The following PNPLA1 variants were observed in gnomAD, a reference collection of about 807,000 sequenced individuals.
The protein encoded by PNPLA1 is patatin like domain 1, omega-hydroxyceramide transacylase, also known as omega-hydroxyceramide transacylase.
In PNPLA1, 36 loss-of-function variants were observed where a neutral mutation model predicts 51.7. That is an observed-to-expected ratio of 0.70 (90% CI 0.53 to 0.92). The LOEUF (loss-of-function observed/expected upper bound fraction) is 0.92. Ranked by LOEUF, PNPLA1 falls within the 40% of genes least tolerant of loss-of-function variation. The pLI, the probability that PNPLA1 is intolerant of heterozygous loss-of-function variation, is 0.00. For synonymous variants in PNPLA1, 293 were observed against 280.1 expected (o/e 1.05, Z -0.46); for missense variants, 658 against 682.5 (o/e 0.96, Z 0.40).
At chr6:36,291,583 C>CCCCGG in intron 2 of PNPLA1, 31 bp downstream of exon 2, 1 of 53,506 alleles carries the variant, frequency 1.9e-5, no homozygotes, top group Non-Finnish European at 3.6e-5. Flanking sequence ...GGGAGGGACA[C>CCCCGG]GGAGGGGGCG....
chr6:36,286,019 C>G (rs148830143), intron 1 of PNPLA1, among the ~76,000 whole-genome samples: 4 of 152,304 alleles, frequency 2.6e-5, no homozygotes, highest in African/African-American at 9.6e-5. Context: ...ATCACTGTCT[C>G]CTGTTCAGAT....
At chr6:36,254,399 A>G (rs1329050568) in intron 1 of PNPLA1, among the ~76,000 whole-genome samples, 1 of 151,960 alleles carries the variant, frequency 6.6e-6, no homozygotes, top group African/African-American at 2.4e-5. Flanking sequence ...ACATAGTGAG[A>G]CCCTATCTCA....
chr6:36,297,419 C>T (rs1770891282), intron 5 of PNPLA1, among the ~76,000 whole-genome samples: 1 of 152,170 alleles, frequency 6.6e-6, no homozygotes, highest in Non-Finnish European at 1.5e-5. Context: ...CTTATCCCCA[C>T]CTGCCATCTG....
chr6:36,290,014 AATC>A (rs1477319867), intron 1 of PNPLA1, among the ~76,000 whole-genome samples: 1 of 152,156 alleles, frequency 6.6e-6, no homozygotes, highest in Non-Finnish European at 1.5e-5. Flanking sequence ...TGCCTGTGAG[AATC>A]CCAGAATCTC....
At chr6:36,267,380 G>T (rs935373477), upstream of PNPLA1, among the ~76,000 whole-genome samples, 1 of 152,162 alleles carries the variant, frequency 6.6e-6, no homozygotes, top group African/African-American at 2.4e-5. Flanking sequence ...AGCCTTTGGG[G>T]TCCAGGTTAG....
chr6:36,263,562 T>C (rs904449278), intron 1 of PNPLA1, among the ~76,000 whole-genome samples: 2 of 152,314 alleles, frequency 1.3e-5, no homozygotes, highest in South Asian at 2.1e-4. Flanking sequence ...TTATAAACAC[T>C]CAATGGGAGT....
At chr6:36,307,307 C>G (rs1193603374) in intron 7 of PNPLA1, among the ~76,000 whole-genome samples, 1 of 152,132 alleles carries the variant, frequency 6.6e-6, no homozygotes, top group Non-Finnish European at 1.5e-5. Flanking sequence ...CAATTTTGAG[C>G]TTAGGCATAA....
intron 5 of PNPLA1, among the ~76,000 whole-genome samples, chr6:36,300,220 A>AGAGAGAGAGAGAGAGT: frequency 6.6e-6 from 1 of 150,670 alleles, no homozygotes. Flanking sequence ...AGAGAGACAG[A>AGAGAGAGAGAGAGAGT]GTCTTGCTGT....
rs369525564 is a variant in PNPLA1, at chr6:36,276,934, G to C, written c.205+6270G>C. Reference sequence around the variant, plus strand: ...TACCAAACAGTTATAATACAAGAAAGTTCCTATTGAATGTTAGAGAATTAT... The same window carrying C: ...TACCAAACAGTTATAATACAAGAAACTTCCTATTGAATGTTAGAGAATTAT... On this transcript the variant is annotated intron_variant, in intron 1 of 8. Transcript: ENST00000636260. Among the ~76,000 whole-genome samples, 4 of 152,334 alleles carry C rather than the reference G, an allele frequency of 2.6e-5. No individual in the cohort carries two copies. In the East Asian group the frequency reaches 7.7e-4, roughly 29 times the overall value.
At chr6:36,282,730 G>A (rs1036752645) in intron 1 of PNPLA1, among the ~76,000 whole-genome samples, 2 of 152,138 alleles carry the variant, frequency 1.3e-5, no homozygotes, top group Non-Finnish European at 2.9e-5. Context: ...CTGTCACCCA[G>A]GCTGGAGTGC....
chr6:36,282,254 G>C (rs1466719140), intron 1 of PNPLA1, among the ~76,000 whole-genome samples: 1 of 141,260 alleles, frequency 7.1e-6, no homozygotes, highest in Non-Finnish European at 1.6e-5. Context: ...AAGAAGGAAA[G>C]AAAGAAAGAA....
At chr6:36,252,428 C>T (rs1249417705) in intron 1 of PNPLA1, among the ~76,000 whole-genome samples, 4 of 151,622 alleles carry the variant, frequency 2.6e-5, no homozygotes, top group African/African-American at 7.3e-5. Context: ...CAGACCTTCA[C>T]GGAGGGGACA....
In PNPLA1 at chr6:36,312,211, T is replaced by C. The variant is rs1417487693; in HGVS notation, c.*325T>C. The C allele has an allele frequency of 6.6e-6, 1 of 152,192 alleles. No individual in the cohort carries two copies. Among genetic ancestry groups the C allele is most frequent in the Non-Finnish European group, 1.5e-5 (1 of 68,038 alleles). The allele number at this position is 152,192 out of a possible 1,614,324, so 9.4% of individuals were successfully genotyped here. On this transcript the variant is annotated 3_prime_UTR_variant, in exon 9 of 9. Coordinates refer to ENST00000636260, the MANE Select transcript of PNPLA1 (RefSeq NM_001374623.1). ...CCTTTTATATGGCACTGTACCCTTG[T>C]ATAGTGTAAAATCTGCACAACTGTA...
chr6:36,277,081 G>T (rs770678055), intron 1 of PNPLA1, among the ~76,000 whole-genome samples: 38 of 152,288 alleles, frequency 2.5e-4, no homozygotes, highest in Non-Finnish European at 4.6e-4. Flanking sequence ...GACAGGTTGG[G>T]CAGGAACCAA....
In PNPLA1 at chr6:36,296,064, A is replaced by ATTACAGGCTCATGC. The variant is rs1770849409; in HGVS notation, c.775+640_775+641insTTACAGGCTCATGC. Reference sequence around the variant, plus strand: ...GGTGGCTCATGCCTGTAATCTCAGCACTGTAGGAGGGCAAGGCAGGAGAAT... The same window carrying ATTACAGGCTCATGC: ...GGTGGCTCATGCCTGTAATCTCAGCATTACAGGCTCATGCCTGTAGGAGGGCAAGGCAGGAGAAT... On this transcript the variant is annotated intron_variant, in intron 5 of 8. Transcript: ENST00000636260. 5.9e-5 allele frequency among the ~76,000 whole-genome samples: 9 copies of ATTACAGGCTCATGC among 152,336 alleles called. No homozygotes were observed. In the South Asian group the frequency reaches 1.9e-3, roughly 32 times the overall value.
At chr6:36,277,967 T>C (rs1582057348) in intron 1 of PNPLA1, among the ~76,000 whole-genome samples, 1 of 152,194 alleles carries the variant, frequency 6.6e-6, no homozygotes, top group Non-Finnish European at 1.5e-5. Flanking sequence ...GGAGCATGAG[T>C]GCCTCAGTCT....
At chr6:36,272,615 G>A (rs781774357) in intron 1 of PNPLA1, among the ~76,000 whole-genome samples, 1 of 152,198 alleles carries the variant, frequency 6.6e-6, no homozygotes, top group African/African-American at 2.4e-5. Flanking sequence ...TCTGAACGAT[G>A]GGCAGAGTGT....
In PNPLA1 at chr6:36,302,404, G is replaced by A. The variant is rs144648025; in HGVS notation, c.1319G>A (p.Arg440Gln). 30 of 1,582,930 alleles carry A rather than the reference G, an allele frequency of 1.9e-5. No individual in the cohort carries two copies. Among genetic ancestry groups the A allele is most frequent in the Non-Finnish European group, 2.5e-5 (29 of 1,163,016 alleles). Residue 440 changes from arginine (R) to glutamine (Q), a missense_variant, in exon 6 of 9, where the codon CGA (arginine) becomes CAA (glutamine). Arg to Gln is a conservative substitution (Grantham distance 43). Transcript: ENST00000636260. ...STVGAPQTLP[R>Q]SSLSAFPAQP... ...GTGGGGGCACCTCAAACACTGCCCC[G>A]AAGTTCTCTTTCAGCCTTCCCTGCT...
At chr6:36,275,411 T>C (rs1482853845) in intron 1 of PNPLA1, among the ~76,000 whole-genome samples, 1 of 152,224 alleles carries the variant, frequency 6.6e-6, no homozygotes, top group Non-Finnish European at 1.5e-5. Flanking sequence ...TTAAAATATC[T>C]TTATTACAAT....
Sources: allele counts gnomAD v4.1 joint callset (sites outside exome capture counted in the v4.1 genomes callset), GRCh38; gene constraint gnomAD v4.1.1; transcripts MANE v1.5; gene names NCBI Gene and HGNC (gene_info 2026-07-23, HGNC 2026-07-21).